RFC3: variants seen among roughly 807,000 people sequenced by gnomAD.
The protein encoded by RFC3 is A1 38 kDa subunit.
In RFC3, 41 loss-of-function variants were observed where a neutral mutation model predicts 45.1. The observed-to-expected ratio is 0.91, with a 90% CI of 0.71 to 1.18. The LOEUF (loss-of-function observed/expected upper bound fraction) is 1.18. RFC3 is among the 50% of genes most tolerant of loss of function. RFC3 has a pLI of 0.00. For synonymous variants in RFC3, 149 were observed against 144.0 expected (o/e 1.03, Z -0.25); for missense variants, 423 against 428.1 (o/e 0.99, Z 0.10).
chr13:33,912,608 A>G (rs1196892169), intron 8 of RFC3, among the ~76,000 whole-genome samples: 1 of 152,122 alleles, frequency 6.6e-6, no homozygotes. Flanking sequence ...TAGGGGATTC[A>G]TTCATCTCTG....
chr13:33,858,057 C>G (rs1257358405), intron 8 of RFC3, among the ~76,000 whole-genome samples: 1 of 152,132 alleles, frequency 6.6e-6, no homozygotes, highest in East Asian at 1.9e-4. Context: ...TTGACAGTTC[C>G]TGAGGATAAT....
intron 8 of RFC3, among the ~76,000 whole-genome samples, chr13:33,943,964 G>GC (rs1182097113): frequency 6.6e-6 from 1 of 152,046 alleles, no homozygotes; most frequent in Non-Finnish European, 1.5e-5. Context: ...CTTTTACAAA[G>GC]CCCCCCAAAA....
At chr13:33,860,068 CA>C (rs992025295) in intron 8 of RFC3, among the ~76,000 whole-genome samples, 22 of 152,272 alleles carry the variant, frequency 1.4e-4, no homozygotes, top group Admixed American at 1.2e-3. Context: ...TGAAGGTGGT[CA>C]TCTGCAAGCC....
the RFC3 span, among the ~76,000 whole-genome samples, chr13:33,974,190 T>C: frequency 1.3e-5 from 2 of 152,342 alleles, no homozygotes; most frequent in South Asian, 2.1e-4. Context: ...TTTAAATCTT[T>C]CATTTGGGGG....
intron 8 of RFC3, among the ~76,000 whole-genome samples, chr13:33,927,529 C>T (rs903315233): frequency 6.6e-6 from 1 of 152,064 alleles, no homozygotes. Flanking sequence ...TTTAAGAGGC[C>T]AACTCTCCTT....
chr13:33,876,177 A>G (rs1221039736), intron 8 of RFC3, among the ~76,000 whole-genome samples: 1 of 152,282 alleles, frequency 6.6e-6, no homozygotes, highest in African/African-American at 2.4e-5. Flanking sequence ...AGTTTTGATC[A>G]ATAGTTACCC....
intron 8 of RFC3, among the ~76,000 whole-genome samples, chr13:33,879,614 A>G (rs1014382187): frequency 6.6e-6 from 1 of 152,250 alleles, no homozygotes; most frequent in African/African-American, 2.4e-5. Flanking sequence ...AGCTACCAAA[A>G]TAAAAAAGAA....
At chr13:33,940,868 C>A (rs886800625) in intron 8 of RFC3, among the ~76,000 whole-genome samples, 2 of 152,156 alleles carry the variant, frequency 1.3e-5, no homozygotes, top group South Asian at 2.1e-4. Context: ...CTCTGTAGCA[C>A]GTTACTATTA....
intron 8 of RFC3, among the ~76,000 whole-genome samples, chr13:33,919,789 A>G (rs114142870): frequency 0.012 from 1,890 of 152,236 alleles, 27 homozygotes; most frequent in African/African-American, 0.043. Flanking sequence ...TCAGGGGGAA[A>G]AGAGATATAC....
chr13:33,879,532 C>T (rs937454168), intron 8 of RFC3, among the ~76,000 whole-genome samples: 1 of 152,040 alleles, frequency 6.6e-6, no homozygotes, highest in Non-Finnish European at 1.5e-5. Flanking sequence ...AAAATAAAAA[C>T]AAACAAAAAC....
chr13:33,913,689 C>T (rs962282029), intron 8 of RFC3, among the ~76,000 whole-genome samples: 21 of 152,034 alleles, frequency 1.4e-4, no homozygotes, highest in Non-Finnish European at 2.8e-4. Flanking sequence ...AGTGAAATAT[C>T]GTATATGAAG....
intron 8 of RFC3, among the ~76,000 whole-genome samples, chr13:33,896,918 T>G (rs1182463172): frequency 6.6e-6 from 1 of 151,790 alleles, no homozygotes; most frequent in African/African-American, 2.4e-5. Context: ...GCAAGAGAGA[T>G]AAAATCTTAT....
At chr13:33,880,946 C>T (rs2082479377) in intron 8 of RFC3, among the ~76,000 whole-genome samples, 1 of 152,052 alleles carries the variant, frequency 6.6e-6, no homozygotes, top group Non-Finnish European at 1.5e-5. Context: ...GTCCCAGCTA[C>T]TCGGGAGGCT....
At chr13:33,940,970 TC>T (rs1328939923) in intron 8 of RFC3, among the ~76,000 whole-genome samples, 1 of 152,186 alleles carries the variant, frequency 6.6e-6, no homozygotes, top group Non-Finnish European at 1.5e-5. Flanking sequence ...TAAAAATGGG[TC>T]CCCAGAGAAT....
At position 33,837,420 on chromosome 13, in the gene RFC3, T is replaced by A. The variant is rs2082165585; in HGVS notation, c.*1125T>A. On this transcript the variant is annotated 3_prime_UTR_variant, in exon 9 of 9. Coordinates refer to ENST00000380071, the MANE Select transcript of RFC3 (RefSeq NM_002915.4). ...TTGTTCAATATTTTTGTATATACTTTTAAAGCCTATTCACTTGCTGATGGA... is the reference window on the plus strand; with the variant it reads ...TTGTTCAATATTTTTGTATATACTTATAAAGCCTATTCACTTGCTGATGGA... 1 of 152,178 alleles carries A rather than the reference T, an allele frequency of 6.6e-6. No individual in the cohort carries two copies. The highest frequency in any genetic ancestry group is 6.6e-5 in the Admixed American group (1 of 15,260). 9.4% of individuals were successfully genotyped at this position (152,178 alleles called of 1,614,324 possible). A position where few individuals can be genotyped will look rare whatever the true frequency, so the allele number is the denominator to read the frequency against.
At chr13:33,930,032 G>C (rs1196950638) in intron 8 of RFC3, among the ~76,000 whole-genome samples, 1 of 151,938 alleles carries the variant, frequency 6.6e-6, no homozygotes, top group African/African-American at 2.4e-5. Flanking sequence ...CCTAATCTCT[G>C]ACTATTTAAT....
intron 8 of RFC3, among the ~76,000 whole-genome samples, chr13:33,954,569 A>C (rs1289932784): frequency 1.3e-5 from 2 of 152,232 alleles, no homozygotes; most frequent in Non-Finnish European, 2.9e-5. Flanking sequence ...AGAATACAAT[A>C]GTCTGGGTAG....
At chr13:33,862,618 CA>C (rs906954116) in intron 8 of RFC3, among the ~76,000 whole-genome samples, 1 of 151,978 alleles carries the variant, frequency 6.6e-6, no homozygotes, top group African/African-American at 2.4e-5. Flanking sequence ...TTAAAATATA[CA>C]GGTAAATATA....
chr13:33,898,561 G>A (rs1270673500), intron 8 of RFC3, among the ~76,000 whole-genome samples: 1 of 151,828 alleles, frequency 6.6e-6, no homozygotes, highest in Non-Finnish European at 1.5e-5. Flanking sequence ...AAAGTAGAAA[G>A]ACTTTAAATA....
Sources: gnomAD v4.1 joint callset for allele counts (sites outside exome capture counted in the v4.1 genomes callset) on GRCh38, gnomAD v4.1.1 for gene constraint, MANE v1.5 for transcripts, NCBI Gene and HGNC (gene_info 2026-07-23, HGNC 2026-07-21) for gene names.